The following HOMER2 variants were observed in gnomAD, a reference collection of about 807,000 sequenced individuals.
HOMER2 encodes the protein homer scaffold protein 2, also known as homer protein homolog 2.
A neutral mutation model predicts 47.0 loss-of-function variants in HOMER2; 27 were observed. The ratio of observed to expected loss-of-function variants is 0.57; its 90% CI spans 0.42 to 0.79. The LOEUF is 0.79. HOMER2 is among the 30% of genes least tolerant of loss of function. The pLI, the probability that HOMER2 is intolerant of heterozygous loss-of-function variation, is 0.00. For synonymous variants in HOMER2, 161 were observed against 163.8 expected, an observed-to-expected ratio of 0.98 and a Z score of 0.13; for missense variants, 443 against 435.0, an observed-to-expected ratio of 1.02 and a Z score of -0.16.
chr15:82,864,262 G>T lies in HOMER2; in HGVS notation c.295-3C>A. On this transcript the variant is annotated splice_polypyrimidine_tract_variant and splice_region_variant and intron_variant, in intron 3 of 8. Transcript: ENST00000450735. ...ACCTCCTGGAATTTCTCTGCAAACT[G>T]AACATGAAGAATAGTTATTAAGGCT... 1 of 1,602,796 alleles carries T rather than the reference G, an allele frequency of 6.2e-7. No individual in the cohort carries two copies.
At chr15:82,971,415 T>TAC (rs147448090) in intron 1 of HOMER2, among the ~76,000 whole-genome samples, 2,262 of 148,388 alleles carry the variant, frequency 0.015, 13 homozygotes, top group Non-Finnish European at 0.019. Context: ...GACAGATACA[T>TAC]ACACACACAC....
intron 1 of HOMER2, among the ~76,000 whole-genome samples, chr15:82,945,655 TA>T (rs59557620): frequency 2.2e-4 from 32 of 148,020 alleles, no homozygotes; most frequent in Non-Finnish European, 2.4e-4. Context: ...TTCCTTTTGT[TA>T]AAAAAAAAAG....
At chr15:82,859,295 C>T (rs2051695134) in intron 4 of HOMER2, 160 bp from the exon 5 acceptor site, 1 of 866,660 alleles carries the variant, frequency 1.2e-6, no homozygotes, top group African/African-American at 2.7e-5. Context: ...CAAAGACTAA[C>T]AAGTTTTTGT....
chr15:82,871,951 G>A (rs2052188188), intron 3 of HOMER2, among the ~76,000 whole-genome samples: 1 of 152,152 alleles, frequency 6.6e-6, no homozygotes, highest in Non-Finnish European at 1.5e-5. Flanking sequence ...GCAGCTGTGA[G>A]TGATTCTCTC....
intron 2 of HOMER2, among the ~76,000 whole-genome samples, chr15:82,890,668 A>C (rs2052675259): frequency 6.6e-6 from 1 of 152,220 alleles, no homozygotes; most frequent in South Asian, 2.1e-4. Flanking sequence ...AATTACTAAA[A>C]GCTCAGCTAA....
intron 1 of HOMER2, among the ~76,000 whole-genome samples, chr15:82,926,784 G>A (rs1368325922): frequency 2.6e-5 from 4 of 152,156 alleles, no homozygotes; most frequent in Non-Finnish European, 5.9e-5. Context: ...CACCCTCATG[G>A]GGAGGATTGA....
At chr15:82,978,604 A>G (rs2151262443) in intron 1 of HOMER2, among the ~76,000 whole-genome samples, 1 of 152,340 alleles carries the variant, frequency 6.6e-6, no homozygotes, top group Non-Finnish European at 1.5e-5. Flanking sequence ...GCCACCACCC[A>G]AATCTCATTT....
intron 1 of HOMER2, among the ~76,000 whole-genome samples, chr15:82,983,724 G>T (rs1276052927): frequency 6.6e-6 from 1 of 151,874 alleles, no homozygotes; most frequent in African/African-American, 2.4e-5. Flanking sequence ...CGAGTAGCTG[G>T]GATTACAGGC....
rs370867216 is a variant in HOMER2 at position 82,868,542 on chromosome 15, T to TATATATATATATA, written c.295-4284_295-4283insTATATATATATAT. 3.8e-3 allele frequency among the ~76,000 whole-genome samples: 161 copies of TATATATATATATA among 42,660 alleles called. 1 individual carries two copies. The highest frequency in any genetic ancestry group is 0.019 in the East Asian group (25 of 1,328). 28.0% of individuals were successfully genotyped at this position (42,660 alleles called of 152,430 possible). ...TTTATTTTATATATATATATATATA[T>TATATATATATATA]TTTTTTTTTTTTTTTTCCCCTTTTG... is the stretch of plus-strand genomic sequence containing the variant. On this transcript the variant is annotated intron_variant, in intron 3 of 8. Coordinates refer to ENST00000450735, the MANE Select transcript of HOMER2 (RefSeq NM_004839.4).
intron 1 of HOMER2, among the ~76,000 whole-genome samples, chr15:82,961,149 G>A (rs1231446950): frequency 2.0e-5 from 3 of 152,130 alleles, no homozygotes; most frequent in Non-Finnish European, 2.9e-5. Context: ...TGTCACTTCC[G>A]AGCTACAATA....
intron 1 of HOMER2, among the ~76,000 whole-genome samples, chr15:82,895,367 T>A (rs938962346): frequency 1.6e-4 from 24 of 152,196 alleles, no homozygotes; most frequent in African/African-American, 5.8e-4. Flanking sequence ...GCATCTGCTG[T>A]CAAGAGAGGC....
chr15:82,855,240 C>T (rs940733741), intron 5 of HOMER2, among the ~76,000 whole-genome samples: 6 of 140,140 alleles, frequency 4.3e-5, no homozygotes, highest in Non-Finnish European at 6.1e-5. Flanking sequence ...GCAGAAGAAT[C>T]GCTTGAACCC....
downstream of HOMER2, chr15:82,847,195 G>A (rs937718017): frequency 3.9e-5 from 6 of 152,212 alleles, no homozygotes; most frequent in Admixed American, 6.5e-5. Flanking sequence ...CAGAATAAAC[G>A]AGGGCACGTC....
intron 3 of HOMER2, among the ~76,000 whole-genome samples, chr15:82,865,875 T>C (rs1167723557): frequency 6.6e-6 from 1 of 152,186 alleles, no homozygotes; most frequent in African/African-American, 2.4e-5. Context: ...AGAGGATGTA[T>C]GGAAACGTCT....
intron 1 of HOMER2, among the ~76,000 whole-genome samples, chr15:82,912,813 C>T (rs190494223): frequency 7.8e-4 from 118 of 152,236 alleles, no homozygotes; most frequent in African/African-American, 1.9e-3. Context: ...TGACAGATAC[C>T]GGGCACATCT....
At chr15:82,918,006 G>A (rs940374790) in intron 1 of HOMER2, among the ~76,000 whole-genome samples, 3 of 152,062 alleles carry the variant, frequency 2.0e-5, no homozygotes, top group African/African-American at 7.2e-5. Flanking sequence ...TCCTCAGCTG[G>A]ACCATCTACT....
intron 3 of HOMER2, among the ~76,000 whole-genome samples, chr15:82,869,028 C>T (rs909074000): frequency 6.6e-6 from 1 of 152,178 alleles, no homozygotes; most frequent in African/African-American, 2.4e-5. Context: ...TAACCTGCCC[C>T]TTAATTTGCA....
At chr15:82,931,735 G>C (rs2054016250) in intron 1 of HOMER2, among the ~76,000 whole-genome samples, 1 of 152,132 alleles carries the variant, frequency 6.6e-6, no homozygotes, top group Non-Finnish European at 1.5e-5. Context: ...CTACTCAGAA[G>C]ACTGACGCAG....
chr15:82,914,172 TAA>T (rs2053519830), intron 1 of HOMER2, among the ~76,000 whole-genome samples: 1 of 124,196 alleles, frequency 8.1e-6, no homozygotes, highest in South Asian at 2.6e-4. Flanking sequence ...CCATCTCTAC[TAA>T]AAATACACAC....
Sources: gnomAD v4.1 joint callset for allele counts (sites outside exome capture counted in the v4.1 genomes callset) on GRCh38, gnomAD v4.1.1 for gene constraint, MANE v1.5 for transcripts, NCBI Gene and HGNC (gene_info 2026-07-23, HGNC 2026-07-21) for gene names.